CAMK1D: variants seen among roughly 807,000 people sequenced by gnomAD.
CAMK1D encodes the protein calcium/calmodulin dependent protein kinase ID, also known as calcium/calmodulin-dependent protein kinase type 1D.
In CAMK1D, 9 loss-of-function variants were observed where a neutral mutation model predicts 47.7. The ratio of observed to expected loss-of-function variants is 0.19; its 90% confidence interval spans 0.11 to 0.33. The LOEUF is 0.33. Ranked by LOEUF, CAMK1D falls within the 10% of genes least tolerant of loss-of-function variation. CAMK1D has a pLI of 1.00. For missense variants in CAMK1D, 291 were observed against 488.7 expected (o/e 0.60, Z 3.81); for synonymous variants, 184 against 184.9 (o/e 0.99, Z 0.04).
rs2724771 is a variant in CAMK1D at position 12,372,401 on chromosome 10, T to C, written c.92+22491T>C. ...ACATAGACCTATCTGTCTTGAAGAA[T>C]TGGGATTTGAACGTCAGTAAAGGTA... On this transcript the variant is annotated intron_variant, in intron 1 of 10. Transcript: ENST00000619168. Among the ~76,000 whole-genome samples the C allele has an allele frequency of 4.7e-3, 711 of 152,324 alleles. 4 individuals are homozygous for C. The highest frequency in any genetic ancestry group is 0.016 in the African/African-American group (660 of 41,572).
chr10:12,585,974 G>C (rs1837804742), intron 2 of CAMK1D, among the ~76,000 whole-genome samples: 1 of 152,164 alleles, frequency 6.6e-6, no homozygotes, highest in Non-Finnish European at 1.5e-5. Flanking sequence ...AGCAGTGGCA[G>C]GTAAGCCACC....
Position 12,666,817 on chromosome 10 carries a change from A to T in CAMK1D, c.299+7A>T, listed in dbSNP as rs770902374. 9 of 1,609,334 alleles carry T rather than the reference A, an allele frequency of 5.6e-6. No homozygotes were observed. The East Asian group carries it at 2.0e-4, about 36-fold the overall frequency. ...TGTACTTGGTCATGCAGCTGTAAGT[A>T]CCTTGTTTGATTGATGAGTTTTGAA... is the stretch of plus-strand genomic sequence containing the variant. On this transcript the variant is annotated splice_region_variant and intron_variant, in intron 3 of 10. Coordinates refer to ENST00000619168, the MANE Select transcript of CAMK1D (RefSeq NM_153498.4).
intron 1 of CAMK1D, among the ~76,000 whole-genome samples, chr10:12,504,497 G>A (rs994484852): frequency 1.3e-5 from 2 of 152,148 alleles, no homozygotes; most frequent in African/African-American, 4.8e-5. Context: ...GTCCTCAGTA[G>A]ATTAGGTGAT....
At chr10:12,496,731 T>G (rs569187728) in intron 1 of CAMK1D, among the ~76,000 whole-genome samples, 3 of 152,286 alleles carry the variant, frequency 2.0e-5, no homozygotes, top group South Asian at 4.2e-4. Context: ...TCATTTAAAT[T>G]GTATTTTTAT....
At chr10:12,433,582 C>T (rs1002760754) in intron 1 of CAMK1D, among the ~76,000 whole-genome samples, 9 of 152,156 alleles carry the variant, frequency 5.9e-5, no homozygotes, top group African/African-American at 2.2e-4. Context: ...GGATTTGCCT[C>T]ATGTAAGGGG....
At chr10:12,470,732 G>C (rs558778878) in intron 1 of CAMK1D, among the ~76,000 whole-genome samples, 1 of 152,098 alleles carries the variant, frequency 6.6e-6, no homozygotes, top group Admixed American at 6.5e-5. Context: ...GGCCAGGCTG[G>C]TCTTGAACTC....
chr10:12,776,983 C>A (rs1209980465), intron 5 of CAMK1D, among the ~76,000 whole-genome samples: 7 of 152,154 alleles, frequency 4.6e-5, no homozygotes, highest in Non-Finnish European at 8.8e-5. Flanking sequence ...CAAATGACCA[C>A]AAAGTATTGA....
intron 2 of CAMK1D, among the ~76,000 whole-genome samples, chr10:12,645,488 G>C (rs1839787309): frequency 6.6e-6 from 1 of 152,176 alleles, no homozygotes; most frequent in South Asian, 2.1e-4. Context: ...TGTTAGAATT[G>C]ATTCAGTAAA....
At chr10:12,368,205 A>ATAAAAT (rs146005682) in intron 1 of CAMK1D, among the ~76,000 whole-genome samples, 7 of 148,670 alleles carry the variant, frequency 4.7e-5, no homozygotes, top group African/African-American at 7.4e-5. Flanking sequence ...TCTCAAAAAA[A>ATAAAAT]AAAAAAAAAT....
At chr10:12,657,318 G>A (rs932752887) in intron 2 of CAMK1D, among the ~76,000 whole-genome samples, 1 of 152,120 alleles carries the variant, frequency 6.6e-6, no homozygotes, top group East Asian at 1.9e-4. Flanking sequence ...CCAGCTACTC[G>A]GGAGGCTGAG....
intron 2 of CAMK1D, among the ~76,000 whole-genome samples, chr10:12,601,181 T>A (rs12765859): frequency 1.1e-4 from 3 of 26,642 alleles, no homozygotes; most frequent in Non-Finnish European, 7.4e-4. Context: ...AGTTTTTTTT[T>A]TTTGTTTGTT....
chr10:12,655,253 G>A (rs1054531770), intron 2 of CAMK1D, among the ~76,000 whole-genome samples: 2 of 152,026 alleles, frequency 1.3e-5, no homozygotes, highest in Non-Finnish European at 2.9e-5. Context: ...AAGCAGGATC[G>A]AGAGAGAGTG....
intron 1 of CAMK1D, among the ~76,000 whole-genome samples, chr10:12,375,271 G>A (rs867441053): frequency 1.2e-4 from 19 of 152,168 alleles, no homozygotes; most frequent in Non-Finnish European, 1.2e-4. Flanking sequence ...TAATGGAATT[G>A]TCTCCACGGT....
At chr10:12,551,732 C>T (rs537093699) in intron 1 of CAMK1D, among the ~76,000 whole-genome samples, 28 of 152,118 alleles carry the variant, frequency 1.8e-4, no homozygotes, top group Admixed American at 7.2e-4. Flanking sequence ...AGCCAGACTC[C>T]GTCTCAAAAA....
intron 3 of CAMK1D, among the ~76,000 whole-genome samples, chr10:12,721,928 T>G (rs1039068872): frequency 6.6e-6 from 1 of 152,158 alleles, no homozygotes; most frequent in Non-Finnish European, 1.5e-5. Context: ...CTGAAACCCC[T>G]CGCTGCCTTC....
Position 12,825,555 on chromosome 10 carries a change from TCC to T in CAMK1D, c.922-17_922-16del. ...TAGCTGAAATATTTGTCTGCTTTTT[TCC>T]TTTCTGAAATTTCAGCAAGCATTTA... On this transcript the variant is annotated splice_polypyrimidine_tract_variant and intron_variant, in intron 9 of 10. Coordinates refer to ENST00000619168, the MANE Select transcript of CAMK1D (RefSeq NM_153498.4). 6.2e-7 allele frequency: 1 copy of T among 1,604,566 alleles called. No individual in the cohort carries two copies. Among genetic ancestry groups the T allele is most frequent in the South Asian group, 1.1e-5 (1 of 89,234 alleles).
intron 1 of CAMK1D, among the ~76,000 whole-genome samples, chr10:12,552,010 G>A (rs889394715): frequency 2.6e-5 from 4 of 152,222 alleles, no homozygotes; most frequent in African/African-American, 9.6e-5. Flanking sequence ...GTGGGCTGTG[G>A]TACTTCCCTG....
intron 1 of CAMK1D, among the ~76,000 whole-genome samples, chr10:12,494,660 G>A (rs1054312449): frequency 4.6e-5 from 7 of 152,134 alleles, no homozygotes; most frequent in Non-Finnish European, 8.8e-5. Flanking sequence ...TGCCTCCTGG[G>A]TTCAAGCGAT....
intron 6 of CAMK1D, among the ~76,000 whole-genome samples, chr10:12,794,751 A>C (rs2131010252): frequency 6.6e-6 from 1 of 152,286 alleles, no homozygotes; most frequent in South Asian, 2.1e-4. Flanking sequence ...TCCCAAGCAG[A>C]AAATGAATGG....
Sources: allele counts gnomAD v4.1 joint callset (sites outside exome capture counted in the v4.1 genomes callset), GRCh38; gene constraint gnomAD v4.1.1; transcripts MANE v1.5; gene names NCBI Gene and HGNC (gene_info 2026-07-23, HGNC 2026-07-21).